PLCB1: variants seen among roughly 807,000 people sequenced by gnomAD.
PLCB1 encodes the protein 1-phosphatidylinositol 4,5-bisphosphate phosphodiesterase beta-1.
PLCB1 carries 46 observed loss-of-function variants against 161.8 expected under a neutral mutation model. That is an observed-to-expected ratio of 0.28 (90% CI 0.22 to 0.36). The LOEUF is 0.36. PLCB1 is among the 10% of genes least tolerant of loss of function. The pLI, the probability that PLCB1 is intolerant of heterozygous loss-of-function variation, is 1.00. For synonymous variants in PLCB1, 517 were observed against 503.7 expected, an observed-to-expected ratio of 1.03 and a Z score of -0.35; for missense variants, 1,016 against 1,472.5, an observed-to-expected ratio of 0.69 and a Z score of 5.07.
intron 3 of PLCB1, among the ~76,000 whole-genome samples, chr20:8,375,201 A>C (rs989694172): frequency 2.1e-4 from 32 of 152,186 alleles, no homozygotes; most frequent in African/African-American, 7.2e-4. Context: ...AAAGGTGCTT[A>C]CTTTTTTTCT....
At chr20:8,737,698 C>T (rs1468473352) in intron 20 of PLCB1, among the ~76,000 whole-genome samples, 3 of 152,152 alleles carry the variant, frequency 2.0e-5, no homozygotes, top group Non-Finnish European at 4.4e-5. Flanking sequence ...CACCAAAAAG[C>T]AAATCTTCAC....
intron 2 of PLCB1, among the ~76,000 whole-genome samples, chr20:8,284,049 GAATA>G (rs1357305839): frequency 4.6e-5 from 7 of 151,568 alleles, no homozygotes; most frequent in African/African-American, 1.7e-4. Context: ...ACAATATTTA[GAATA>G]AATATTTATT....
Position 8,853,245 on chromosome 20 carries a change from G to GA in PLCB1, c.3424-28371dup, listed in dbSNP as rs59573000. The stretch of plus-strand genomic sequence containing the variant: ...ATTAGTCCATATAAGATAGCCTCAG[G>GA]AAAAAATTAAATGCCCAGATAAAAA... On this transcript the variant is annotated intron_variant, in intron 31 of 31. Transcript: ENST00000338037. Among the ~76,000 whole-genome samples, 1,276 of 152,174 alleles carry GA rather than the reference G, an allele frequency of 8.4e-3. 23 individuals are homozygous for GA. Among genetic ancestry groups the GA allele is most frequent in the African/African-American group, 0.028 (1,182 of 41,516 alleles).
intron 31 of PLCB1, chr20:8,831,083 C>T (rs915999997): frequency 6.6e-6 from 1 of 152,202 alleles, no homozygotes; most frequent in African/African-American, 2.4e-5. Flanking sequence ...TAAAATCACT[C>T]TAAACGCCCT....
intron 1 of PLCB1, among the ~76,000 whole-genome samples, chr20:8,143,453 T>C (rs2051423677): frequency 6.6e-6 from 1 of 152,190 alleles, no homozygotes; most frequent in Non-Finnish European, 1.5e-5. Context: ...TTTTAAGCAT[T>C]GTGCTAGTGT....
chr20:8,796,464 G>C (rs1984031904), intron 31 of PLCB1, among the ~76,000 whole-genome samples: 1 of 152,144 alleles, frequency 6.6e-6, no homozygotes, highest in Non-Finnish European at 1.5e-5. Context: ...ATCTTTTGCG[G>C]CTTGATGGGG....
chr20:8,815,046 C>T (rs971374721), intron 31 of PLCB1, among the ~76,000 whole-genome samples: 3 of 152,196 alleles, frequency 2.0e-5, no homozygotes, highest in African/African-American at 4.8e-5. Flanking sequence ...AACCCCAGTC[C>T]GCTTTGATTT....
chr20:8,493,894 C>A (rs6140625), intron 3 of PLCB1, among the ~76,000 whole-genome samples: 14 of 108,072 alleles, frequency 1.3e-4, no homozygotes, highest in Admixed American at 2.5e-4. Flanking sequence ...CAGGTAGTAG[C>A]CCTTACCTTG....
chr20:8,862,986 G>T (rs968273207), intron 31 of PLCB1, among the ~76,000 whole-genome samples: 3 of 152,184 alleles, frequency 2.0e-5, no homozygotes, highest in African/African-American at 7.2e-5. Flanking sequence ...TGGTGATCAA[G>T]CCCAGCATGG....
chr20:8,147,408 G>A (rs11697830), intron 1 of PLCB1, among the ~76,000 whole-genome samples: 61,419 of 151,992 alleles, frequency 0.4, 12,455 homozygotes, highest in Middle Eastern at 0.43. Context: ...CCCAAGAGTC[G>A]CAACCCATCT....
chr20:8,556,659 GT>G (rs1568506580), intron 3 of PLCB1, among the ~76,000 whole-genome samples: 89 of 8,012 alleles, frequency 0.011, no homozygotes, highest in African/African-American at 0.032. Flanking sequence ...AGGGTTGGGT[GT>G]GTGTGTGTGT....
At chr20:8,505,417 C>A (rs1353074101) in intron 3 of PLCB1, among the ~76,000 whole-genome samples, 1 of 152,134 alleles carries the variant, frequency 6.6e-6, no homozygotes, top group Non-Finnish European at 1.5e-5. Flanking sequence ...GTTTTAGTTA[C>A]CCCACCAGAG....
At chr20:8,176,077 T>C (rs1248484851) in intron 2 of PLCB1, among the ~76,000 whole-genome samples, 1 of 152,198 alleles carries the variant, frequency 6.6e-6, no homozygotes, top group Admixed American at 6.5e-5. Flanking sequence ...TTAAACAGTC[T>C]GGCAGTTTCT....
chr20:8,395,391 T>C (rs948165293), intron 3 of PLCB1, among the ~76,000 whole-genome samples: 1 of 152,012 alleles, frequency 6.6e-6, no homozygotes, highest in Admixed American at 6.6e-5. Flanking sequence ...CAGATGAAAA[T>C]CTAAATAAAA....
At position 8,697,571 on chromosome 20, in the gene PLCB1, C is replaced by T; in HGVS notation, c.1010-55C>T. On this transcript the variant is annotated intron_variant, in intron 10 of 31. Transcript: ENST00000338037. ...TTGAGGAGCCTTTCTAAGAAAGCAC[C>T]ACGGTCATCCTTGCTTCATGGGAAT... 6 of 1,580,168 alleles carry T rather than the reference C, an allele frequency of 3.8e-6. No individual in the cohort carries two copies. The Admixed American group carries it at 1.0e-4, about 27-fold the overall frequency.
intron 31 of PLCB1, among the ~76,000 whole-genome samples, chr20:8,843,008 C>T (rs949316370): frequency 1.3e-5 from 2 of 151,584 alleles, no homozygotes; most frequent in African/African-American, 2.4e-5. Flanking sequence ...AACAACAGGC[C>T]GAAATATAAA....
At chr20:8,709,260 G>T (rs1404474815) in intron 12 of PLCB1, among the ~76,000 whole-genome samples, 1 of 152,038 alleles carries the variant, frequency 6.6e-6, no homozygotes, top group East Asian at 1.9e-4. Context: ...ATTTGTATTT[G>T]CCAATTTCAA....
At chr20:8,383,125 CA>C (rs1286815424) in intron 3 of PLCB1, among the ~76,000 whole-genome samples, 1 of 152,114 alleles carries the variant, frequency 6.6e-6, no homozygotes, top group East Asian at 1.9e-4. Context: ...CTAATATTGA[CA>C]GTGGGATGTT....
chr20:8,729,038 A>G lies in PLCB1; in HGVS notation c.1764-12A>G, dbSNP rs1377870470. 1.9e-6 allele frequency: 3 copies of G among 1,585,934 alleles called. No individual in the cohort carries two copies. Among genetic ancestry groups the G allele is most frequent in the African/African-American group, 2.7e-5 (2 of 73,980 alleles). ...TTTATAATTGTATTCACTACTTAACATGATGGTCCAGATATAACAAAATGC... is the reference window on the plus strand; with the variant it reads ...TTTATAATTGTATTCACTACTTAACGTGATGGTCCAGATATAACAAAATGC... On this transcript the variant is annotated splice_polypyrimidine_tract_variant and intron_variant, in intron 17 of 31. Coordinates refer to ENST00000338037, the MANE Select transcript of PLCB1 (RefSeq NM_015192.4).
Sources: allele counts gnomAD v4.1 joint callset (sites outside exome capture counted in the v4.1 genomes callset), GRCh38; gene constraint gnomAD v4.1.1; transcripts MANE v1.5; gene names NCBI Gene and HGNC (gene_info 2026-07-23, HGNC 2026-07-21).